KCTD8: variants seen among roughly 807,000 people sequenced by gnomAD.
KCTD8 encodes the protein BTB/POZ domain-containing protein KCTD8.
In KCTD8, 27 loss-of-function variants were observed where a neutral mutation model predicts 31.5. The observed-to-expected ratio is 0.86, with a 90% CI of 0.63 to 1.18. KCTD8 has a LOEUF of 1.18. KCTD8 is among the 50% of genes most tolerant of loss of function. The pLI is 0.00. For synonymous variants in KCTD8, 290 were observed against 280.0 expected, an observed-to-expected ratio of 1.04 and a Z score of -0.36; for missense variants, 658 against 647.7, an observed-to-expected ratio of 1.02 and a Z score of -0.17.
At chr4:44,218,547 C>T (rs1714717805) in intron 1 of KCTD8, among the ~76,000 whole-genome samples, 1 of 150,274 alleles carries the variant, frequency 6.7e-6, no homozygotes, top group Non-Finnish European at 1.5e-5. Flanking sequence ...TGTATCAAAA[C>T]ATCTCATGTA....
chr4:44,341,304 G>C (rs538330435), intron 1 of KCTD8, among the ~76,000 whole-genome samples: 1 of 152,316 alleles, frequency 6.6e-6, no homozygotes, highest in Admixed American at 6.5e-5. Flanking sequence ...TGCAGACTGA[G>C]AAGGGTGGTG....
chr4:44,217,498 T>G (rs77759075), intron 1 of KCTD8, among the ~76,000 whole-genome samples: 3,352 of 152,232 alleles, frequency 0.022, 131 homozygotes, highest in African/African-American at 0.077. Flanking sequence ...AGGTGTCAAC[T>G]TGATTAGATT....
intron 1 of KCTD8, among the ~76,000 whole-genome samples, chr4:44,351,672 TTAATG>T (rs916866034): frequency 2.0e-5 from 3 of 152,032 alleles, no homozygotes; most frequent in Admixed American, 1.3e-4. Context: ...GAAAATATCT[TTAATG>T]TAAAGTATCA....
At chr4:44,330,891 G>A (rs1310801034) in intron 1 of KCTD8, among the ~76,000 whole-genome samples, 2 of 151,742 alleles carry the variant, frequency 1.3e-5, no homozygotes, top group African/African-American at 4.8e-5. Flanking sequence ...CCAGAGAAGA[G>A]GGGGTACTGG....
At chr4:44,236,470 G>C in intron 1 of KCTD8, among the ~76,000 whole-genome samples, 1 of 86,648 alleles carries the variant, frequency 1.2e-5, no homozygotes, top group South Asian at 4.5e-4. Context: ...GTTCAGTTTT[G>C]GAAGGTGTAT....
chr4:44,386,782 G>A (rs556481047), intron 1 of KCTD8, among the ~76,000 whole-genome samples: 1 of 151,662 alleles, frequency 6.6e-6, no homozygotes, highest in Admixed American at 6.6e-5. Context: ...GTATATCAAA[G>A]AGATATCGGC....
chr4:44,321,761 C>A (rs998741706), intron 1 of KCTD8, among the ~76,000 whole-genome samples: 8 of 152,102 alleles, frequency 5.3e-5, no homozygotes, highest in African/African-American at 1.4e-4. Context: ...CTCCTTCCTC[C>A]TTTCCTTTGT....
chr4:44,354,496 G>C (rs1002616070), intron 1 of KCTD8, among the ~76,000 whole-genome samples: 1 of 151,940 alleles, frequency 6.6e-6, no homozygotes, highest in South Asian at 2.1e-4. Flanking sequence ...ACATCCGTAC[G>C]GTCCATCTCA....
Position 44,354,908 on chromosome 4 carries a change from G to A in KCTD8, c.961+92655C>T, listed in dbSNP as rs548391497. On this transcript the variant is annotated intron_variant, in intron 1 of 1. Transcript: ENST00000360029. ...TCCCAATCTGAAAGGCAAAAAGAGT[G>A]AAAAAGAACTATGAAATGCTCTTCA... Among the ~76,000 whole-genome samples the A allele has an allele frequency of 2.0e-5, 3 of 152,156 alleles. No individual in the cohort carries two copies. In the South Asian group the frequency reaches 6.2e-4, roughly 32 times the overall value.
At chr4:44,393,655 T>C (rs867844464) in intron 1 of KCTD8, among the ~76,000 whole-genome samples, 1 of 151,768 alleles carries the variant, frequency 6.6e-6, no homozygotes, top group Non-Finnish European at 1.5e-5. Flanking sequence ...ATGGAGTTTA[T>C]GAATGGTAGT....
chr4:44,419,676 G>C, intron 1 of KCTD8, among the ~76,000 whole-genome samples: 1 of 151,920 alleles, frequency 6.6e-6, no homozygotes, highest in East Asian at 1.9e-4. Flanking sequence ...ACAGGGCAGG[G>C]AGTGTCACAT....
At chr4:44,348,776 A>G (rs1719108615) in intron 1 of KCTD8, among the ~76,000 whole-genome samples, 1 of 152,098 alleles carries the variant, frequency 6.6e-6, no homozygotes, top group South Asian at 2.1e-4. Flanking sequence ...CACATGCACA[A>G]AAACCGGTTA....
chr4:44,366,775 T>G (rs977291789), intron 1 of KCTD8, among the ~76,000 whole-genome samples: 1 of 152,176 alleles, frequency 6.6e-6, no homozygotes, highest in Non-Finnish European at 1.5e-5. Flanking sequence ...CAACACAGTC[T>G]TCCTCTTACT....
rs950316995 is a variant in KCTD8, at chr4:44,424,432, C to T, written c.961+23131G>A. ...ACAGCCATTTTCTTTTCTCTGTCAA[C>T]CAATTTCACCTCTATACTTAATGAC... is the stretch of plus-strand genomic sequence containing the variant. On this transcript the variant is annotated intron_variant, in intron 1 of 1. Transcript: ENST00000360029. 2.6e-5 allele frequency among the ~76,000 whole-genome samples: 4 copies of T among 152,034 alleles called. No individual in the cohort carries two copies. In the East Asian group the frequency reaches 7.7e-4, roughly 29 times the overall value.
rs186159883 is a variant in KCTD8, at chr4:44,218,892, C to T, written c.962-43642G>A. Among the ~76,000 whole-genome samples the T allele has an allele frequency of 2.4e-4, 36 of 152,214 alleles. No homozygotes were observed. In the East Asian group the frequency reaches 6.6e-3, roughly 28 times the overall value. ...ACCAGATTCCTATGACACTGACTTT[C>T]GTAACAGTGGAATTATGTTTTCCTA... On this transcript the variant is annotated intron_variant, in intron 1 of 1. Transcript: ENST00000360029.
At chr4:44,256,563 C>G (rs1028006706) in intron 1 of KCTD8, among the ~76,000 whole-genome samples, 3 of 151,838 alleles carry the variant, frequency 2.0e-5, no homozygotes, top group East Asian at 1.9e-4. Flanking sequence ...TGAACTGATA[C>G]AACTTCTTTG....
chr4:44,200,245 T>C (rs1048456018), intron 1 of KCTD8, among the ~76,000 whole-genome samples: 3 of 150,906 alleles, frequency 2.0e-5, no homozygotes, highest in Non-Finnish European at 4.4e-5. Flanking sequence ...TGAGAACTGG[T>C]ACCAATCATA....
intron 1 of KCTD8, among the ~76,000 whole-genome samples, chr4:44,264,330 T>C (rs1214448296): frequency 6.6e-6 from 1 of 152,220 alleles, no homozygotes; most frequent in Non-Finnish European, 1.5e-5. Flanking sequence ...ACTTAACCAT[T>C]ATACAATTTA....
At chr4:44,275,849 A>C (rs1356172937) in intron 1 of KCTD8, among the ~76,000 whole-genome samples, 1 of 152,062 alleles carries the variant, frequency 6.6e-6, no homozygotes. Flanking sequence ...GAGTGATGGG[A>C]AGAAAATAGG....
Sources: allele counts gnomAD v4.1 joint callset (sites outside exome capture counted in the v4.1 genomes callset), GRCh38; gene constraint gnomAD v4.1.1; transcripts MANE v1.5; gene names NCBI Gene and HGNC (gene_info 2026-07-23, HGNC 2026-07-21).